Variants in SOX5 observed in about 807,000 individuals in gnomAD.
SOX5 encodes transcription factor SOX-5.
A neutral mutation model predicts 92.0 loss-of-function variants in SOX5; 9 were observed. The ratio of observed to expected loss-of-function variants is 0.10; its 90% CI spans 0.06 to 0.17. The LOEUF is 0.17. Among genes scored for constraint, SOX5 ranks in the 10% least tolerant of loss-of-function variants. The pLI is 1.00. For synonymous variants in SOX5, 344 were observed against 336.3 expected (o/e 1.02, Z -0.25); for missense variants, 642 against 944.5 (o/e 0.68, Z 4.20).
intron 3 of SOX5, among the ~76,000 whole-genome samples, chr12:23,773,790 ATAAAACC>A (rs1219382128): frequency 2.6e-5 from 4 of 152,214 alleles, no homozygotes; most frequent in Non-Finnish European, 5.9e-5. Context: ...AAAAATCAAT[ATAAAACC>A]TAAAATGCAA....
At chr12:23,880,027 C>G (rs953292548) in intron 2 of SOX5, among the ~76,000 whole-genome samples, 1 of 152,098 alleles carries the variant, frequency 6.6e-6, no homozygotes, top group African/African-American at 2.4e-5. Flanking sequence ...AGTCAGTTGC[C>G]AGATATATAG....
intron 9 of SOX5, among the ~76,000 whole-genome samples, chr12:23,597,656 C>T (rs1952691854): frequency 6.6e-6 from 1 of 152,174 alleles, no homozygotes; most frequent in South Asian, 2.1e-4. Flanking sequence ...TAATGGGCTG[C>T]ATTTGCAGTT....
chr12:23,705,894 C>CTA (rs2091323308), intron 6 of SOX5, among the ~76,000 whole-genome samples: 1 of 152,048 alleles, frequency 6.6e-6, no homozygotes, highest in African/African-American at 2.4e-5. Context: ...AATCCCACTG[C>CTA]TACTTTTCTC....
At chr12:24,109,545 G>A (rs1196882272) in intron 4 of SOX5, among the ~76,000 whole-genome samples, 1 of 152,122 alleles carries the variant, frequency 6.6e-6, no homozygotes, top group African/African-American at 2.4e-5. Context: ...TTCTGAAAGT[G>A]AGAAACAAGT....
intron 4 of SOX5, among the ~76,000 whole-genome samples, chr12:24,114,252 T>A (rs540709838): frequency 6.6e-6 from 1 of 151,924 alleles, no homozygotes; most frequent in South Asian, 2.1e-4. Flanking sequence ...GGGAAGAAAA[T>A]TTTTTTAAAA....
intron 1 of SOX5, among the ~76,000 whole-genome samples, chr12:24,521,572 T>C (rs1450747501): frequency 6.6e-6 from 1 of 152,206 alleles, no homozygotes; most frequent in Non-Finnish European, 1.5e-5. Context: ...AAACAAGTTC[T>C]TGACAAATTT....
chr12:24,283,756 G>C (rs1171174642), intron 2 of SOX5, among the ~76,000 whole-genome samples: 1 of 152,114 alleles, frequency 6.6e-6, no homozygotes, highest in East Asian at 1.9e-4. Context: ...GTATATAAAA[G>C]CTTGGGTATG....
At chr12:24,267,345 C>G (rs1206986126) in intron 3 of SOX5, among the ~76,000 whole-genome samples, 1 of 152,090 alleles carries the variant, frequency 6.6e-6, no homozygotes, top group African/African-American at 2.4e-5. Flanking sequence ...TTATAAAACA[C>G]CAATGACTCA....
intron 4 of SOX5, among the ~76,000 whole-genome samples, chr12:24,121,418 T>C (rs1481817765): frequency 6.6e-6 from 1 of 152,096 alleles, no homozygotes; most frequent in Non-Finnish European, 1.5e-5. Context: ...AGAGCCCCTA[T>C]GAGAGCAAAT....
chr12:24,557,893 T>C (rs1479544268), intron 1 of SOX5, among the ~76,000 whole-genome samples: 2 of 152,190 alleles, frequency 1.3e-5, no homozygotes, highest in Non-Finnish European at 2.9e-5. Context: ...TGAAGGATGG[T>C]TATTTAATGG....
intron 2 of SOX5, among the ~76,000 whole-genome samples, chr12:24,330,278 G>T (rs1951154710): frequency 6.6e-6 from 1 of 152,146 alleles, no homozygotes; most frequent in South Asian, 2.1e-4. Flanking sequence ...GAAAAACTTA[G>T]GTTGGCTTAA....
chr12:24,335,962 G>A (rs1192026167), intron 2 of SOX5, among the ~76,000 whole-genome samples: 1 of 13,548 alleles, frequency 7.4e-5, no homozygotes, highest in Non-Finnish European at 1.9e-4. Flanking sequence ...GTCCAGGCTA[G>A]AAATGCTATC....
chr12:23,867,823 A>T (rs1315315357), intron 2 of SOX5, among the ~76,000 whole-genome samples: 1 of 149,898 alleles, frequency 6.7e-6, no homozygotes, highest in African/African-American at 2.4e-5. Context: ...AAAGATAGTA[A>T]AAAAAAAAAC....
At chr12:24,131,946 G>A (rs1327819607) in intron 4 of SOX5, among the ~76,000 whole-genome samples, 1 of 151,980 alleles carries the variant, frequency 6.6e-6, no homozygotes, top group African/African-American at 2.4e-5. Context: ...TCATGTCAGG[G>A]GCTAATTCAG....
At chr12:24,376,033 A>G (rs1209120257) in intron 1 of SOX5, among the ~76,000 whole-genome samples, 2 of 152,202 alleles carry the variant, frequency 1.3e-5, no homozygotes, top group Non-Finnish European at 2.9e-5. Flanking sequence ...ACTAAGAAAG[A>G]TGACCACTTC....
At chr12:24,553,105 C>G (rs1953372802) in intron 1 of SOX5, among the ~76,000 whole-genome samples, 1 of 152,196 alleles carries the variant, frequency 6.6e-6, no homozygotes, top group Non-Finnish European at 1.5e-5. Context: ...ATAACTATTT[C>G]TCATCTCTTC....
At chr12:24,094,250 T>C (rs1945041751) in intron 4 of SOX5, among the ~76,000 whole-genome samples, 1 of 152,184 alleles carries the variant, frequency 6.6e-6, no homozygotes, top group Admixed American at 6.5e-5. Context: ...CCCAGCGAAA[T>C]TGTATATCAT....
intron 9 of SOX5, among the ~76,000 whole-genome samples, chr12:23,597,429 G>A (rs543356567): frequency 6.6e-6 from 1 of 152,292 alleles, no homozygotes; most frequent in Non-Finnish European, 1.5e-5. Context: ...AAAAGCCTCT[G>A]TTTAAGTACC....
chr12:24,350,597 G>T (rs1043233400), intron 2 of SOX5, among the ~76,000 whole-genome samples: 2 of 152,108 alleles, frequency 1.3e-5, no homozygotes, highest in Admixed American at 1.3e-4. Context: ...TCCTGCTTTG[G>T]CCTCCCTTAG....
Sources: allele counts gnomAD v4.1 joint callset (sites outside exome capture counted in the v4.1 genomes callset), GRCh38; gene constraint gnomAD v4.1.1; transcripts MANE v1.5; gene names NCBI Gene and HGNC (gene_info 2026-07-23, HGNC 2026-07-21).